The following GAS2 variants were observed in gnomAD, a reference collection of about 807,000 sequenced individuals.
GAS2 encodes the protein growth arrest specific 2.
A neutral mutation model predicts 37.5 loss-of-function variants in GAS2; 20 were observed. The observed-to-expected ratio is 0.53, with a 90% CI of 0.37 to 0.77. The LOEUF (loss-of-function observed/expected upper bound fraction) is 0.77, where lower values mean the gene tolerates loss of function less well. GAS2 is among the 30% of genes least tolerant of loss of function. The pLI is 0.00. For synonymous variants in GAS2, 144 were observed against 132.2 expected (o/e 1.09, Z -0.61); for missense variants, 336 against 373.4 (o/e 0.90, Z 0.82).
At chr11:22,717,169 A>G (rs570114947) in intron 3 of GAS2, among the ~76,000 whole-genome samples, 1 of 152,202 alleles carries the variant, frequency 6.6e-6, no homozygotes, top group Non-Finnish European at 1.5e-5. Flanking sequence ...ATATGGGACC[A>G]AAAAAGAGCC....
chr11:22,637,086 T>A (rs978498753), intron 1 of GAS2, among the ~76,000 whole-genome samples: 2 of 131,388 alleles, frequency 1.5e-5, no homozygotes, highest in South Asian at 4.5e-4. Flanking sequence ...ATTAATATAA[T>A]AAGTAATATT....
intron 1 of GAS2, among the ~76,000 whole-genome samples, chr11:22,672,179 T>C (rs1310238536): frequency 1.3e-5 from 2 of 152,152 alleles, no homozygotes; most frequent in African/African-American, 4.8e-5. Context: ...CCTGGGGAAA[T>C]GTAACTGTGT....
intron 4 of GAS2, among the ~76,000 whole-genome samples, chr11:22,734,431 A>G (rs1007283516): frequency 1.3e-5 from 2 of 151,640 alleles, no homozygotes; most frequent in African/African-American, 2.4e-5. Context: ...TTTAAAATAT[A>G]CTCATTATAA....
At chr11:22,635,246 G>A (rs1858805641) in intron 1 of GAS2, among the ~76,000 whole-genome samples, 2 of 152,310 alleles carry the variant, frequency 1.3e-5, no homozygotes, top group East Asian at 3.9e-4. Context: ...GATCAATCAA[G>A]TCCCACACTA....
At chr11:22,746,806 A>G (rs1231905330) in intron 5 of GAS2, among the ~76,000 whole-genome samples, 1 of 152,192 alleles carries the variant, frequency 6.6e-6, no homozygotes, top group African/African-American at 2.4e-5. Context: ...ACATTATGCA[A>G]TATACCCATG....
At position 22,805,686 on chromosome 11, in the gene GAS2, A is replaced by C. The variant is rs1856850993; in HGVS notation, c.724-6112A>C. ...GATTCTTGGATAAGTCCACAGAGTA[A>C]AGTGAAAGCAAGTATGTTAAGAAAG... On this transcript the variant is annotated intron_variant, in intron 7 of 7. Coordinates refer to ENST00000454584, the MANE Select transcript of GAS2 (RefSeq NM_001143830.3). Among the ~76,000 whole-genome samples, 3 of 152,176 alleles carry C rather than the reference A, an allele frequency of 2.0e-5. No individual in the cohort carries two copies. The South Asian group carries it at 6.2e-4, about 32-fold the overall frequency.
chr11:22,774,708 C>A (rs114909732), intron 7 of GAS2, among the ~76,000 whole-genome samples: 1,610 of 151,912 alleles, frequency 0.011, 33 homozygotes, highest in African/African-American at 0.036. Flanking sequence ...ATGAATCTTT[C>A]ATGCAGTACA....
intron 3 of GAS2, among the ~76,000 whole-genome samples, chr11:22,705,805 C>T (rs1457692224): frequency 6.6e-6 from 1 of 152,120 alleles, no homozygotes; most frequent in Non-Finnish European, 1.5e-5. Context: ...CAGTGAATTT[C>T]AACTGCTGTG....
At chr11:22,789,432 A>AAATATATATATATATAAATATATATAT in intron 7 of GAS2, among the ~76,000 whole-genome samples, 1 of 87,514 alleles carries the variant, frequency 1.1e-5, no homozygotes, top group Non-Finnish European at 2.3e-5. Flanking sequence ...TGAGATATAT[A>AAATATATATATATATAAATATATATAT]TATATATATA....
At chr11:22,788,396 G>A (rs983392319) in intron 7 of GAS2, among the ~76,000 whole-genome samples, 1 of 152,244 alleles carries the variant, frequency 6.6e-6, no homozygotes, top group Non-Finnish European at 1.5e-5. Flanking sequence ...ATGATTCCTT[G>A]TTTGGGGCCT....
At chr11:22,783,528 G>A (rs1855671292) in intron 7 of GAS2, among the ~76,000 whole-genome samples, 1 of 152,110 alleles carries the variant, frequency 6.6e-6, no homozygotes, top group South Asian at 2.1e-4. Flanking sequence ...GGCTCCTTAT[G>A]ACTTGCCATA....
intron 1 of GAS2, among the ~76,000 whole-genome samples, chr11:22,643,847 G>A (rs1848657134): frequency 6.6e-6 from 1 of 152,010 alleles, no homozygotes; most frequent in South Asian, 2.1e-4. Context: ...TGCCAGGAAG[G>A]ACATTTTTTT....
chr11:22,771,358 A>G (rs1247399592), intron 7 of GAS2, among the ~76,000 whole-genome samples: 1 of 152,128 alleles, frequency 6.6e-6, no homozygotes, highest in Admixed American at 6.5e-5. Flanking sequence ...ATACATTTAT[A>G]GAATAAAAAA....
At position 22,648,241 on chromosome 11, in the gene GAS2, C is replaced by T. The variant is rs545819266; in HGVS notation, c.-21+22428C>T. Among the ~76,000 whole-genome samples, 468 of 151,844 alleles carry T rather than the reference C, an allele frequency of 3.1e-3. 2 individuals carry two copies. The highest frequency in any genetic ancestry group is 0.011 in the African/African-American group (441 of 41,406). On this transcript the variant is annotated intron_variant, in intron 1 of 5. Coordinates refer to the GAS2 transcript ENST00000528582. ...CAAAGATCAGATAGTTGTAGATATGCGGCGTTATTTCTGAGGGCTCTGTTC... is the reference window on the plus strand; with the variant it reads ...CAAAGATCAGATAGTTGTAGATATGTGGCGTTATTTCTGAGGGCTCTGTTC...
At chr11:22,773,583 C>T (rs928251296) in intron 7 of GAS2, among the ~76,000 whole-genome samples, 15 of 151,612 alleles carry the variant, frequency 9.9e-5, no homozygotes, top group Admixed American at 7.2e-4. Context: ...TTAGTAGAGA[C>T]GGGGTTTCAC....
rs150339700 is a variant in GAS2 at position 22,753,166 on chromosome 11, G to T, written c.616-2680G>T. Among the ~76,000 whole-genome samples the T allele has an allele frequency of 1.4e-3, 215 of 152,140 alleles. 6 individuals carry two copies. The South Asian group carries it at 0.024, about 17-fold the overall frequency. On this transcript the variant is annotated intron_variant, in intron 6 of 7. Coordinates refer to ENST00000454584, the MANE Select transcript of GAS2 (RefSeq NM_001143830.3). ...GAAATCCCATTTCAGCAGAAAACTG[G>T]CTGGGTTCCTAGCCAAAAAAGAACA...
chr11:22,680,971 C>T (rs1849652194), intron 2 of GAS2, among the ~76,000 whole-genome samples: 1 of 152,120 alleles, frequency 6.6e-6, no homozygotes, highest in African/African-American at 2.4e-5. Context: ...AATAATAGCA[C>T]CCACTTCACA....
intron 3 of GAS2, 113 bp downstream of exon 3, chr11:22,685,902 C>G (rs1207402814): frequency 1.0e-6 from 1 of 962,620 alleles, no homozygotes; most frequent in East Asian, 2.7e-5. Context: ...AAGGTCTATA[C>G]TAACAACAAA....
intron 1 of GAS2, among the ~76,000 whole-genome samples, chr11:22,655,027 A>C (rs1848839376): frequency 6.6e-6 from 1 of 152,180 alleles, no homozygotes; most frequent in African/African-American, 2.4e-5. Context: ...AACGTCTTAA[A>C]ATGTTGTTCA....
Sources: allele counts gnomAD v4.1 joint callset (sites outside exome capture counted in the v4.1 genomes callset), GRCh38; gene constraint gnomAD v4.1.1; transcripts MANE v1.5; gene names NCBI Gene and HGNC (gene_info 2026-07-23, HGNC 2026-07-21).